GAK: variants seen among roughly 807,000 people sequenced by gnomAD.
GAK encodes cyclin G associated kinase, also known as cyclin-G-associated kinase.
In GAK, 79 loss-of-function variants were observed where a neutral mutation model predicts 143.9. The ratio of observed to expected loss-of-function variants is 0.55; its 90% CI spans 0.46 to 0.66. The LOEUF is 0.66. Among genes scored for constraint, GAK ranks in the 30% least tolerant of loss-of-function variants. GAK has a pLI of 0.00. For synonymous variants in GAK, 881 were observed against 765.5 expected, an observed-to-expected ratio of 1.15 and a Z score of -2.49; for missense variants, 1,693 against 1,779.7, an observed-to-expected ratio of 0.95 and a Z score of 0.88.
At chr4:926,694 T>C (rs1472694368) in intron 1 of GAK, among the ~76,000 whole-genome samples, 2 of 152,176 alleles carry the variant, frequency 1.3e-5, no homozygotes, top group Non-Finnish European at 2.9e-5. Flanking sequence ...GCTGTCAACT[T>C]GGAAGTGAAG....
Position 898,862 on chromosome 4 carries a change from C to CA in GAK, c.526-705dup, listed in dbSNP as rs35380272. Among the ~76,000 whole-genome samples, 89 of 143,632 alleles carry CA rather than the reference C, an allele frequency of 6.2e-4. 1 individual carries two copies. Among genetic ancestry groups the CA allele is most frequent in the South Asian group, 5.2e-3 (24 of 4,602 alleles). 94.2% of individuals were successfully genotyped at this position (143,632 alleles called of 152,430 possible). On this transcript the variant is annotated intron_variant, in intron 5 of 27. Coordinates refer to ENST00000314167, the MANE Select transcript of GAK (RefSeq NM_005255.4). ...TGGGTGACAGGGCAAGACTCCGACT[C>CA]AAAAAAAAAAAAGTATACAGAGACA...
chr4:849,648 G>A lies in GAK; in HGVS notation c.*25C>T, dbSNP rs769327054. 3.9e-5 allele frequency: 62 copies of A among 1,571,496 alleles called. No individual in the cohort carries two copies. The highest frequency in any genetic ancestry group is 5.2e-5 in the Non-Finnish European group (59 of 1,145,460). Reference sequence around the variant, plus strand: ...GACGGCTCCCAACCTGTGGAGCTGTGTGCGCAGCCACCACCACTGCGGCCT... The same window carrying A: ...GACGGCTCCCAACCTGTGGAGCTGTATGCGCAGCCACCACCACTGCGGCCT... On this transcript the variant is annotated 3_prime_UTR_variant, in exon 28 of 28. Coordinates refer to ENST00000314167, the MANE Select transcript of GAK (RefSeq NM_005255.4).
intron 11 of GAK, chr4:887,535 G>C (rs574917379): frequency 6.9e-6 from 1 of 145,366 alleles, no homozygotes; most frequent in Non-Finnish European, 1.5e-5. Flanking sequence ...GCATGCGTGT[G>C]TACACATGCA....
Position 877,742 on chromosome 4 carries a change from C to A in GAK, c.1729G>T (p.Val577Leu), listed in dbSNP as rs1714255044. The change falls in exon 16 of 28, where the codon GTG becomes TTG. Residue 577 changes from valine (V) to leucine (L), a missense_variant. Around this residue, in one of 2 missense-constraint regions of GAK, gnomAD observed 871 missense variants for 991.0 expected, o/e 0.88. Coordinates refer to ENST00000314167, the MANE Select transcript of GAK (RefSeq NM_005255.4). ...ACGGGTGTCATGACCACGGCCCTCA[C>A]CAGGATGGGCTTGCTGTGGGGTGTG... is the stretch of plus-strand genomic sequence containing the variant. ...PITPHSKPIL[V>L]RAVVMTPVPL... is the part of the protein sequence containing the mutation. The A allele has an allele frequency of 6.2e-7, 1 of 1,613,342 alleles. No homozygotes were observed. Among genetic ancestry groups the A allele is most frequent in the South Asian group, 1.1e-5 (1 of 91,010 alleles).
Position 867,313 on chromosome 4 carries a change from C to T in GAK, c.2515G>A (p.Glu839Lys), listed in dbSNP as rs756019452. The change falls in exon 21 of 28, where the codon GAG (glutamate) becomes AAG (lysine). Residue 839 changes from glutamate to lysine, a missense_variant. Physicochemically the swap from Glu to Lys is moderately conservative, Grantham distance 56. Coordinates refer to ENST00000314167, the MANE Select transcript of GAK (RefSeq NM_005255.4). Reference sequence around the variant, plus strand: ...GGGTCGGCCCTGGGTTCCTGGCCCTCGCTGGAGATCGGGGATCCCCCTTCA... The same window carrying T: ...GGGTCGGCCCTGGGTTCCTGGCCCTTGCTGGAGATCGGGGATCCCCCTTCA... The part of the protein sequence containing the change: ...SDEGGSPISS[E>K]GQEPRADPEP... The T allele has an allele frequency of 2.4e-5, 39 of 1,611,124 alleles. No individual in the cohort carries two copies. The highest frequency in any genetic ancestry group is 2.2e-4 in the East Asian group (10 of 44,790).
At chr4:910,020 C>T (rs1468297906) in intron 4 of GAK, among the ~76,000 whole-genome samples, 4 of 152,096 alleles carry the variant, frequency 2.6e-5, no homozygotes, top group Admixed American at 2.6e-4. Context: ...GCTGGAGGGC[C>T]GCAGAGGGGC....
chr4:916,156 A>G (rs1190811410), intron 1 of GAK, among the ~76,000 whole-genome samples: 1 of 152,248 alleles, frequency 6.6e-6, no homozygotes, highest in African/African-American at 2.4e-5. Context: ...CTGCTTTTTG[A>G]AAACTGGTCA....
chr4:866,212 C>A, intron 22 of GAK, 152 bp downstream of exon 22: 1 of 739,634 alleles, frequency 1.4e-6, no homozygotes. Context: ...CTGGGACGTC[C>A]TGCAGGATGC....
At position 904,691 on chromosome 4, in the gene GAK, G is replaced by A. The variant is rs367654130; in HGVS notation, c.471C>T (p.Arg157=). ...TCTGCCGGTGCATGTGCTGCACGGC[G>A]CGGCACGTCTGGTAGAAGATCTTCA... The part of the protein sequence containing the change: ...TVLKIFYQTC[R]AVQHMHRQKP... Residue 157 remains arginine (R), a synonymous_variant, in exon 5 of 28, where the codon CGC becomes CGT. Transcript: ENST00000314167. 1.6e-5 allele frequency: 26 copies of A among 1,613,614 alleles called. No individual in the cohort carries two copies. Among genetic ancestry groups the A allele is most frequent in the East Asian group, 1.6e-4 (7 of 44,876 alleles).
At chr4:886,335 C>T (rs1054765125) in intron 11 of GAK, 8 of 152,176 alleles carry the variant, frequency 5.3e-5, no homozygotes, top group African/African-American at 9.7e-5. Flanking sequence ...ACCCATGGGT[C>T]CCAGCAGAGC....
intron 1 of GAK, among the ~76,000 whole-genome samples, chr4:919,412 C>T (rs1723580083): frequency 6.6e-6 from 1 of 152,288 alleles, no homozygotes; most frequent in South Asian, 2.1e-4. Flanking sequence ...TTCAGTGCCG[C>T]ATGACCTTAG....
At chr4:888,679 G>A (rs951440062) in intron 11 of GAK, 168 bp downstream of exon 11, 3 of 769,228 alleles carry the variant, frequency 3.9e-6, no homozygotes, top group African/African-American at 3.5e-5. Context: ...GTGGGATGCT[G>A]GGCTCATTCC....
chr4:869,224 G>C (rs111161719), intron 19 of GAK: 1 of 50,690 alleles, frequency 2.0e-5, no homozygotes, highest in Non-Finnish European at 4.1e-5. Flanking sequence ...GGTACACACG[G>C]ATGCACAGAC....
At chr4:905,572 A>G (rs925356222) in intron 4 of GAK, among the ~76,000 whole-genome samples, 2 of 138,410 alleles carry the variant, frequency 1.4e-5, no homozygotes, top group African/African-American at 2.8e-5. Context: ...CATGCTACGG[A>G]CTTCGCCACG....
chr4:883,999 G>C (rs780229858), intron 12 of GAK, 38 bp downstream of exon 12: 1 of 1,594,140 alleles, frequency 6.3e-7, no homozygotes, highest in Admixed American at 1.7e-5. Flanking sequence ...ACAGGGAAGG[G>C]CCGGGGCGCG....
chr4:916,641 A>C (rs1296320403), intron 1 of GAK, among the ~76,000 whole-genome samples: 2 of 152,242 alleles, frequency 1.3e-5, no homozygotes, highest in African/African-American at 4.8e-5. Flanking sequence ...TTAAACCGCG[A>C]AGATAGGACC....
intron 1 of GAK, among the ~76,000 whole-genome samples, chr4:925,660 G>C (rs1724597405): frequency 6.6e-6 from 1 of 152,190 alleles, no homozygotes; most frequent in Non-Finnish European, 1.5e-5. Context: ...ACTAGGCCAT[G>C]AAGGTGGAGC....
intron 1 of GAK, among the ~76,000 whole-genome samples, chr4:917,875 GAAATAGA>G (rs952075015): frequency 7.2e-5 from 11 of 152,342 alleles, no homozygotes; most frequent in African/African-American, 2.6e-4. Context: ...GGAAATCCAT[GAAATAGA>G]AAATAGAAAA....
At chr4:884,156 C>A in intron 11 of GAK, 70 bp from the exon 12 acceptor site, 1 of 1,415,602 alleles carries the variant, frequency 7.1e-7, no homozygotes. Context: ...GGGCTTAAGC[C>A]AGAGCCCGAG....
Sources: allele counts gnomAD v4.1 joint callset (sites outside exome capture counted in the v4.1 genomes callset), GRCh38; gene constraint gnomAD v4.1.1; regional missense constraint gnomAD v4.1.1; transcripts MANE v1.5; gene names NCBI Gene and HGNC (gene_info 2026-07-23, HGNC 2026-07-21).